The following RBM47 variants were observed in gnomAD, a reference collection of about 807,000 sequenced individuals.
The protein encoded by RBM47 is RNA-binding protein 47.
In RBM47, 21 loss-of-function variants were observed where a neutral mutation model predicts 47.1. The observed-to-expected ratio is 0.45, with a 90% confidence interval of 0.32 to 0.64. The LOEUF (loss-of-function observed/expected upper bound fraction) is 0.64. Among genes scored for constraint, RBM47 ranks in the 30% least tolerant of loss-of-function variants. The pLI is 0.05. For synonymous variants in RBM47, 375 were observed against 361.7 expected, an observed-to-expected ratio of 1.04 and a Z score of -0.42; for missense variants, 708 against 870.9, an observed-to-expected ratio of 0.81 and a Z score of 2.35.
intron 2 of RBM47, among the ~76,000 whole-genome samples, chr4:40,500,080 C>T (rs548906057): frequency 6.6e-6 from 1 of 152,284 alleles, no homozygotes; most frequent in African/African-American, 2.4e-5. Context: ...TGTGGGAGGC[C>T]GAGGCGGGTG....
intron 2 of RBM47, among the ~76,000 whole-genome samples, chr4:40,470,719 C>T (rs1560395805): frequency 6.6e-6 from 1 of 152,084 alleles, no homozygotes; most frequent in Non-Finnish European, 1.5e-5. Context: ...ATGATAATTC[C>T]ATTTCTTAAA....
chr4:40,444,447 T>C (rs969560993), intron 3 of RBM47, among the ~76,000 whole-genome samples: 3 of 148,250 alleles, frequency 2.0e-5, no homozygotes, highest in Non-Finnish European at 4.5e-5. Flanking sequence ...GAAAAGATAA[T>C]GTGTGGCTGC....
At chr4:40,529,326 T>C (rs1727119570) in intron 2 of RBM47, among the ~76,000 whole-genome samples, 1 of 151,084 alleles carries the variant, frequency 6.6e-6, no homozygotes, top group Non-Finnish European at 1.5e-5. Flanking sequence ...GGGCCAACCA[T>C]GGCCAACATG....
At chr4:40,560,342 A>T (rs1730489883) in intron 1 of RBM47, among the ~76,000 whole-genome samples, 1 of 152,218 alleles carries the variant, frequency 6.6e-6, no homozygotes, top group African/African-American at 2.4e-5. Flanking sequence ...CACTTTGCCA[A>T]GGCACAGGTG....
At chr4:40,550,012 G>A (rs1309522630) in intron 1 of RBM47, among the ~76,000 whole-genome samples, 2 of 152,134 alleles carry the variant, frequency 1.3e-5, no homozygotes, top group African/African-American at 4.8e-5. Context: ...AAGAACAAAT[G>A]GGAAATTAAT....
At chr4:40,534,896 G>C (rs1313551429) in intron 2 of RBM47, among the ~76,000 whole-genome samples, 10 of 149,480 alleles carry the variant, frequency 6.7e-5, no homozygotes, top group Admixed American at 2.0e-4. Context: ...GATCGTGCCA[G>C]TGCACTCCAG....
chr4:40,490,833 T>TA (rs1326923496), intron 2 of RBM47, among the ~76,000 whole-genome samples: 4 of 152,058 alleles, frequency 2.6e-5, no homozygotes, highest in Non-Finnish European at 5.9e-5. Context: ...AAAATGACAA[T>TA]ACTCCTCGAT....
intron 3 of RBM47, among the ~76,000 whole-genome samples, chr4:40,443,139 G>C (rs1397329725): frequency 6.6e-6 from 1 of 152,102 alleles, no homozygotes; most frequent in East Asian, 1.9e-4. Flanking sequence ...GTAGACTAGT[G>C]GTTACCATGG....
chr4:40,464,019 A>C (rs1193193076), intron 3 of RBM47, among the ~76,000 whole-genome samples: 2 of 152,182 alleles, frequency 1.3e-5, no homozygotes, highest in East Asian at 3.9e-4. Flanking sequence ...TTCCATTTAT[A>C]GACATGTATA....
intron 1 of RBM47, among the ~76,000 whole-genome samples, chr4:40,575,011 C>T (rs73809067): frequency 0.032 from 4,836 of 152,160 alleles, 276 homozygotes; most frequent in African/African-American, 0.11. Context: ...AATTGGGAAC[C>T]ATTTGGGTCC....
intron 1 of RBM47, among the ~76,000 whole-genome samples, chr4:40,592,027 G>C (rs890433899): frequency 2.6e-5 from 4 of 152,038 alleles, no homozygotes; most frequent in Admixed American, 2.0e-4. Context: ...TTACCCCTCA[G>C]GAAAAATGCT....
Position 40,438,925 on chromosome 4 carries a change from C to G in RBM47, c.-31-1G>C. The G allele has an allele frequency of 6.7e-7, 1 of 1,499,324 alleles. No homozygotes were observed. The highest frequency in any genetic ancestry group is 2.2e-5 in the Admixed American group (1 of 44,596). 92.9% of individuals were successfully genotyped at this position (1,499,324 alleles called of 1,614,324 possible). On this transcript the variant is annotated splice_acceptor_variant, in intron 3 of 6. Coordinates refer to ENST00000295971, the MANE Select transcript of RBM47 (RefSeq NM_001098634.2). LOFTEE classifies it low-confidence loss of function (5UTR_SPLICE). ...AAAGGCATCCACAGCTGGCGGAAAC[C>G]TGGGGAAGCAGAAAGAAGCGTGAGT...
At chr4:40,548,112 C>T (rs1322713098) in intron 1 of RBM47, among the ~76,000 whole-genome samples, 2 of 152,200 alleles carry the variant, frequency 1.3e-5, no homozygotes, top group Non-Finnish European at 2.9e-5. Context: ...AGCTCTAATC[C>T]ACAAGGGGCC....
At chr4:40,601,405 G>A (rs16852389) in intron 1 of RBM47, among the ~76,000 whole-genome samples, 2,976 of 152,222 alleles carry the variant, frequency 0.02, 85 homozygotes, top group African/African-American at 0.067. Flanking sequence ...AGAAAGCCCC[G>A]CTGGCCCTGT....
At chr4:40,554,797 A>T (rs1156292477) in intron 1 of RBM47, among the ~76,000 whole-genome samples, 1 of 139,692 alleles carries the variant, frequency 7.2e-6, no homozygotes, top group African/African-American at 2.6e-5. Flanking sequence ...TTTTTTAACG[A>T]ATCTCCCAGG....
intron 1 of RBM47, among the ~76,000 whole-genome samples, chr4:40,547,495 C>G (rs1025972572): frequency 1.3e-5 from 2 of 152,214 alleles, no homozygotes; most frequent in Admixed American, 6.5e-5. Context: ...TGATCTTGGA[C>G]TTCCAGCCTC....
At chr4:40,488,983 G>A (rs541333639) in intron 2 of RBM47, among the ~76,000 whole-genome samples, 1 of 152,196 alleles carries the variant, frequency 6.6e-6, no homozygotes, top group Non-Finnish European at 1.5e-5. Flanking sequence ...GGCAGATGTA[G>A]AACTCATATC....
In RBM47 at chr4:40,428,911, T is replaced by C. The variant is rs1397965651; in HGVS notation, c.1543-2768A>G. On this transcript the variant is annotated intron_variant, in intron 6 of 6. Coordinates refer to ENST00000295971, the MANE Select transcript of RBM47 (RefSeq NM_001098634.2). ...TTTTCTTATCTGTAAAATGAGAATATATGGGGAAGCACTTGGTTTTGCTTT... is the reference window on the plus strand; with the variant it reads ...TTTTCTTATCTGTAAAATGAGAATACATGGGGAAGCACTTGGTTTTGCTTT... Among the ~76,000 whole-genome samples, 3 of 152,224 alleles carry C rather than the reference T, an allele frequency of 2.0e-5. No individual in the cohort carries two copies. In the East Asian group the frequency reaches 5.8e-4, roughly 29 times the overall value.
intron 1 of RBM47, among the ~76,000 whole-genome samples, chr4:40,588,256 G>A (rs531568214): frequency 3.3e-5 from 5 of 152,156 alleles, no homozygotes; most frequent in Non-Finnish European, 4.4e-5. Flanking sequence ...GCAGGCTTTG[G>A]GGGGAACATT....
Sources: allele counts gnomAD v4.1 joint callset (sites outside exome capture counted in the v4.1 genomes callset), GRCh38; gene constraint gnomAD v4.1.1; transcripts MANE v1.5; gene names NCBI Gene and HGNC (gene_info 2026-07-23, HGNC 2026-07-21).